The following TENM3 variants were observed in gnomAD, a reference collection of about 807,000 sequenced individuals.
The protein encoded by TENM3 is teneurin transmembrane protein 3.
In TENM3, 63 loss-of-function variants were observed where a neutral mutation model predicts 255.1. The observed-to-expected ratio is 0.25, with a 90% CI of 0.20 to 0.30. The LOEUF (loss-of-function observed/expected upper bound fraction) is 0.30. Among genes scored for constraint, TENM3 ranks in the 10% least tolerant of loss-of-function variants. The pLI, the probability that TENM3 is intolerant of heterozygous loss-of-function variation, is 1.00. For synonymous variants in TENM3, 1,306 were observed against 1,322.3 expected (o/e 0.99, Z 0.27); for missense variants, 2,929 against 3,461.1 (o/e 0.85, Z 3.86).
At chr4:182,412,373 G>A (rs1364033097) in intron 3 of TENM3, among the ~76,000 whole-genome samples, 2 of 152,110 alleles carry the variant, frequency 1.3e-5, no homozygotes, top group African/African-American at 2.4e-5. Flanking sequence ...TAAATGAAGA[G>A]AGACAGAGTC....
intron 3 of TENM3, among the ~76,000 whole-genome samples, chr4:182,414,642 C>T (rs1042224160): frequency 3.3e-5 from 5 of 152,096 alleles, no homozygotes; most frequent in Admixed American, 3.3e-4. Context: ...TGATTCTAAA[C>T]TTGCATAGAA....
At chr4:181,656,454 G>C in the TENM3 span, among the ~76,000 whole-genome samples, 1 of 152,178 alleles carries the variant, frequency 6.6e-6, no homozygotes, top group African/African-American at 2.4e-5. Context: ...TTAGCATAAA[G>C]GAAGTGCGAT....
chr4:181,922,117 G>A, the TENM3 span, among the ~76,000 whole-genome samples: 1 of 152,128 alleles, frequency 6.6e-6, no homozygotes, highest in Admixed American at 6.5e-5. Flanking sequence ...TTTTTGATGT[G>A]CTGCTGGATT....
chr4:181,539,122 C>T, the TENM3 span, among the ~76,000 whole-genome samples: 2 of 152,198 alleles, frequency 1.3e-5, no homozygotes, highest in East Asian at 3.8e-4. Context: ...TCATGACTTG[C>T]TCACCACTGA....
chr4:182,757,259 C>G (rs1295334842), intron 22 of TENM3, among the ~76,000 whole-genome samples: 2 of 130,228 alleles, frequency 1.5e-5, no homozygotes, highest in Non-Finnish European at 1.5e-5. Context: ...TTGCAGTGAG[C>G]TGAGATGGTG....
At chr4:181,924,466 T>C in the TENM3 span, among the ~76,000 whole-genome samples, 1 of 152,186 alleles carries the variant, frequency 6.6e-6, no homozygotes, top group Non-Finnish European at 1.5e-5. Flanking sequence ...GTCTTTACCA[T>C]GCACATGACT....
At chr4:181,909,716 G>A in the TENM3 span, among the ~76,000 whole-genome samples, 1 of 152,132 alleles carries the variant, frequency 6.6e-6, no homozygotes, top group Non-Finnish European at 1.5e-5. Context: ...TACACGCTAG[G>A]TGTTCGAGGG....
At chr4:182,269,545 C>A (rs998907737) in intron 1 of TENM3, among the ~76,000 whole-genome samples, 3 of 151,946 alleles carry the variant, frequency 2.0e-5, no homozygotes, top group Admixed American at 6.6e-5. Flanking sequence ...TACAGGCCCC[C>A]TCCCCTTTAT....
the TENM3 span, among the ~76,000 whole-genome samples, chr4:181,591,675 C>T: frequency 6.6e-6 from 1 of 152,192 alleles, no homozygotes; most frequent in South Asian, 2.1e-4. Context: ...CGGGGCATTA[C>T]ATTCTCATAG....
At chr4:181,804,659 G>A in the TENM3 span, among the ~76,000 whole-genome samples, 3 of 152,106 alleles carry the variant, frequency 2.0e-5, no homozygotes. Context: ...GAGAGTGTTG[G>A]GTGTAGTCAC....
chr4:182,434,836 G>C (rs1378479002), intron 3 of TENM3, among the ~76,000 whole-genome samples: 1 of 152,052 alleles, frequency 6.6e-6, no homozygotes, highest in Non-Finnish European at 1.5e-5. Flanking sequence ...CTTTGCCAAG[G>C]GTGATGATTG....
chr4:181,755,404 G>A, the TENM3 span, among the ~76,000 whole-genome samples: 802 of 151,724 alleles, frequency 5.3e-3, 10 homozygotes, highest in Middle Eastern at 0.034. Context: ...CATGATTCTA[G>A]GAAAAGACTC....
chr4:181,749,731 A>G, the TENM3 span, among the ~76,000 whole-genome samples: 1 of 152,146 alleles, frequency 6.6e-6, no homozygotes, highest in East Asian at 1.9e-4. Flanking sequence ...TGAAAGTTAT[A>G]TTGCAACTTC....
intron 3 of TENM3, among the ~76,000 whole-genome samples, chr4:182,417,201 C>G (rs998747880): frequency 6.6e-6 from 1 of 152,106 alleles, no homozygotes; most frequent in Non-Finnish European, 1.5e-5. Context: ...TGGTCTCGAT[C>G]TCCTGACCTC....
At chr4:182,394,004 A>G (rs1768625724) in intron 3 of TENM3, among the ~76,000 whole-genome samples, 3 of 152,214 alleles carry the variant, frequency 2.0e-5, no homozygotes, top group Non-Finnish European at 2.9e-5. Flanking sequence ...CAGAGTTACA[A>G]TCCTAGGGAA....
At chr4:181,599,212 G>A in the TENM3 span, among the ~76,000 whole-genome samples, 3 of 152,060 alleles carry the variant, frequency 2.0e-5, no homozygotes, top group African/African-American at 4.8e-5. Flanking sequence ...CTTATTCAAG[G>A]ACCTCATTAT....
the TENM3 span, among the ~76,000 whole-genome samples, chr4:181,725,242 C>T: frequency 6.6e-6 from 1 of 152,116 alleles, no homozygotes; most frequent in Non-Finnish European, 1.5e-5. Flanking sequence ...TCTTCCTATC[C>T]TTGTGAGTAT....
intron 3 of TENM3, among the ~76,000 whole-genome samples, chr4:182,510,320 C>G (rs1443699676): frequency 6.6e-6 from 1 of 152,112 alleles, no homozygotes; most frequent in African/African-American, 2.4e-5. Flanking sequence ...CTTTTTTGCT[C>G]TAGCTCGCCT....
intron 1 of TENM3, among the ~76,000 whole-genome samples, chr4:182,288,044 T>C (rs548203089): frequency 6.6e-6 from 1 of 152,078 alleles, no homozygotes; most frequent in Non-Finnish European, 1.5e-5. Context: ...TTCAAGCGAT[T>C]CTCCTGCCTC....
Sources: gnomAD v4.1 joint callset for allele counts (sites outside exome capture counted in the v4.1 genomes callset) on GRCh38, gnomAD v4.1.1 for gene constraint, MANE v1.5 for transcripts, NCBI Gene and HGNC (gene_info 2026-07-23, HGNC 2026-07-21) for gene names.